Variants in STAU2 observed in about 807,000 individuals in gnomAD.
The protein encoded by STAU2 is double-stranded RNA-binding protein Staufen homolog 2.
STAU2 carries 20 observed loss-of-function variants against 65.9 expected under a neutral mutation model. The ratio of observed to expected loss-of-function variants is 0.30; its 90% confidence interval spans 0.21 to 0.44. The LOEUF (loss-of-function observed/expected upper bound fraction) is 0.44. Ranked by LOEUF, STAU2 falls within the 20% of genes least tolerant of loss-of-function variation. The pLI, the probability that STAU2 is intolerant of heterozygous loss-of-function variation, is 1.00. For missense variants in STAU2, 558 were observed against 683.9 expected, an observed-to-expected ratio of 0.82 and a Z score of 2.05; for synonymous variants, 232 against 233.9, an observed-to-expected ratio of 0.99 and a Z score of 0.07.
intron 12 of STAU2, among the ~76,000 whole-genome samples, chr8:73,554,311 G>A (rs1043544362): frequency 3.9e-5 from 6 of 152,192 alleles, no homozygotes; most frequent in Admixed American, 2.6e-4. Flanking sequence ...GCTGAGCAGG[G>A]GATGGTTACA....
intron 3 of STAU2, among the ~76,000 whole-genome samples, chr8:73,734,352 G>GA (rs1226030677): frequency 1.3e-5 from 2 of 150,724 alleles, no homozygotes; most frequent in Non-Finnish European, 2.9e-5. Flanking sequence ...TTTAAAGGCA[G>GA]AAAAGTGCTA....
intron 3 of STAU2, chr8:73,732,898 C>T (rs528385741): frequency 1.3e-5 from 2 of 152,124 alleles, no homozygotes; most frequent in Non-Finnish European, 2.9e-5. Context: ...AGTACCAGCA[C>T]CAATGCTAAG....
chr8:73,611,826 C>T (rs1418313539), intron 9 of STAU2, among the ~76,000 whole-genome samples: 3 of 151,978 alleles, frequency 2.0e-5, no homozygotes, highest in South Asian at 2.1e-4. Flanking sequence ...GGATTAGAGA[C>T]GCATGCCACC....
chr8:73,580,193 C>G (rs572213349), intron 12 of STAU2, among the ~76,000 whole-genome samples: 2 of 151,958 alleles, frequency 1.3e-5, no homozygotes, highest in Non-Finnish European at 2.9e-5. Context: ...CAAAACATAA[C>G]AAACAAAAAA....
chr8:73,704,220 T>C (rs542825521), intron 4 of STAU2, among the ~76,000 whole-genome samples: 2 of 152,284 alleles, frequency 1.3e-5, no homozygotes, highest in Admixed American at 1.3e-4. Flanking sequence ...TGTAGAACAT[T>C]TTATAGGACA....
In STAU2 at chr8:73,493,665, C is replaced by T. The variant is rs538065197; in HGVS notation, c.1530+58347G>A. Among the ~76,000 whole-genome samples the T allele has an allele frequency of 5.9e-5, 9 of 151,782 alleles. 1 individual carries two copies. The highest frequency in any genetic ancestry group is 2.2e-4 in the African/African-American group (9 of 41,474). On this transcript the variant is annotated intron_variant, in intron 13 of 14. Transcript: ENST00000524300. ...ATATGTAGCAACTGGAAGTTTCATA[C>T]GACGTTGGTGGGAGTGTCAAATGGT...
intron 12 of STAU2, among the ~76,000 whole-genome samples, chr8:73,579,571 ATC>A (rs990349788): frequency 3.9e-5 from 6 of 152,182 alleles, no homozygotes; most frequent in African/African-American, 1.4e-4. Context: ...AAAATTCATG[ATC>A]TTTTTTTAAA....
At chr8:73,454,456 C>T (rs930109816) in intron 13 of STAU2, among the ~76,000 whole-genome samples, 1 of 152,168 alleles carries the variant, frequency 6.6e-6, no homozygotes, top group African/African-American at 2.4e-5. Context: ...GATCATAAAA[C>T]CGAATTTGAA....
intron 6 of STAU2, among the ~76,000 whole-genome samples, chr8:73,620,269 C>T (rs919688129): frequency 2.0e-5 from 3 of 152,158 alleles, no homozygotes; most frequent in African/African-American, 4.8e-5. Flanking sequence ...CAGAAATTTA[C>T]TCCTGAAGTG....
rs1554535303 is a variant in STAU2 at position 73,523,210 on chromosome 8, A to AAG, written c.1530+28801_1530+28802insCT. Among the ~76,000 whole-genome samples the AAG allele has an allele frequency of 6.7e-4, 97 of 145,466 alleles. 1 individual carries two copies. Among genetic ancestry groups the AAG allele is most frequent in the East Asian group, 4.6e-3 (23 of 5,020 alleles). ...GACTTTGTCTCCAAAAAAAAAAAAA[A>AAG]AAAAAAAAAGAAAAGTCTGAAGCAG... On this transcript the variant is annotated intron_variant, in intron 13 of 14. Coordinates refer to ENST00000524300, the MANE Select transcript of STAU2 (RefSeq NM_001164380.2).
chr8:73,746,861 G>C (rs1329697479), upstream of STAU2: 6 of 1,208,134 alleles, frequency 5.0e-6, no homozygotes, highest in East Asian at 3.3e-5. Context: ...GGCCGCCGCC[G>C]GCTTCCACCC....
intron 5 of STAU2, among the ~76,000 whole-genome samples, chr8:73,681,717 C>T (rs1284726695): frequency 6.6e-6 from 1 of 152,098 alleles, no homozygotes. Flanking sequence ...CAAGTATCTG[C>T]TGTTTTCAAG....
Position 73,595,245 on chromosome 8 carries a change from G to T in STAU2, c.1082C>A (p.Ala361Asp). 1 of 1,611,262 alleles carries T rather than the reference G, an allele frequency of 6.2e-7. No homozygotes were observed. The stretch of plus-strand genomic sequence containing the variant: ...CATTGCTTCTGCAGCATTTTTTTTG[G>T]CTATCTTTTTATTAGGTCCTGTTCC... Reference protein sequence around the residue: ...ATGTGPNKKIAKKNAAEAMLL... With the variant: ...ATGTGPNKKIDKKNAAEAMLL... Residue 361 changes from alanine to aspartate, a missense_variant, in exon 11 of 15, where the codon GCC becomes GAC. This residue lies in a region of STAU2 where 247 missense variants were observed against 270.1 expected (regional missense o/e 0.91). Coordinates refer to ENST00000524300, the MANE Select transcript of STAU2 (RefSeq NM_001164380.2).
upstream of STAU2, chr8:73,747,069 T>TGTTCGCGACGCA (rs1451220489): frequency 4.4e-5 from 11 of 248,340 alleles, no homozygotes; most frequent in Non-Finnish European, 8.0e-5. Context: ...GCGCGGCCAT[T>TGTTCGCGACGCA]GTTCGCGACG....
intron 13 of STAU2, among the ~76,000 whole-genome samples, chr8:73,505,399 G>A (rs2128921818): frequency 6.6e-6 from 1 of 152,164 alleles, no homozygotes; most frequent in East Asian, 1.9e-4. Flanking sequence ...GAAATTTGAG[G>A]CAGGTCACAA....
chr8:73,564,889 A>G (rs554655764), intron 12 of STAU2, among the ~76,000 whole-genome samples: 5 of 152,166 alleles, frequency 3.3e-5, no homozygotes, highest in South Asian at 2.1e-4. Flanking sequence ...GGCAGGTCTA[A>G]GTTGTCCCAG....
At chr8:73,462,226 C>A (rs908179871) in intron 13 of STAU2, among the ~76,000 whole-genome samples, 1 of 151,502 alleles carries the variant, frequency 6.6e-6, no homozygotes, top group South Asian at 2.1e-4. Flanking sequence ...ATTACAGGTG[C>A]CTGCCACCAC....
chr8:73,645,696 AG>A (rs1212062547), intron 6 of STAU2, among the ~76,000 whole-genome samples: 9 of 152,324 alleles, frequency 5.9e-5, no homozygotes, highest in African/African-American at 2.2e-4. Flanking sequence ...ATGGTTCTGC[AG>A]GCTGTACAGG....
intron 11 of STAU2, among the ~76,000 whole-genome samples, chr8:73,585,626 A>C (rs1238338417): frequency 6.6e-6 from 1 of 152,236 alleles, no homozygotes; most frequent in Non-Finnish European, 1.5e-5. Flanking sequence ...GGTCAAAGTA[A>C]TTACTACGAG....
Sources: allele counts gnomAD v4.1 joint callset (sites outside exome capture counted in the v4.1 genomes callset), GRCh38; gene constraint gnomAD v4.1.1; regional missense constraint gnomAD v4.1.1; transcripts MANE v1.5; gene names NCBI Gene and HGNC (gene_info 2026-07-23, HGNC 2026-07-21).